GLIS3: variants seen among roughly 807,000 people sequenced by gnomAD.
GLIS3 encodes GLIS family zinc finger 3, also known as zinc finger protein GLIS3.
GLIS3 carries 53 observed loss-of-function variants against 78.6 expected under a neutral mutation model. The ratio of observed to expected loss-of-function variants is 0.67; its 90% confidence interval spans 0.54 to 0.85. The LOEUF is 0.85. Among genes scored for constraint, GLIS3 ranks in the 40% least tolerant of loss-of-function variants. The pLI is 0.00. For missense variants in GLIS3, 1,703 were observed against 1,231.1 expected (o/e 1.38, Z -5.74); for synonymous variants, 684 against 509.9 (o/e 1.34, Z -4.60).
At chr9:4,349,552 A>G (rs1198002297), upstream of GLIS3, among the ~76,000 whole-genome samples, 1 of 152,204 alleles carries the variant, frequency 6.6e-6, no homozygotes, top group Non-Finnish European at 1.5e-5. Context: ...ATGACCAAAA[A>G]GGAAAAAAAT....
At chr9:4,061,820 G>C (rs1826680091) in intron 4 of GLIS3, among the ~76,000 whole-genome samples, 1 of 152,188 alleles carries the variant, frequency 6.6e-6, no homozygotes, top group Non-Finnish European at 1.5e-5. Context: ...AATTATGCAA[G>C]AATGCCACAA....
chr9:3,943,843 T>C (rs767037270), intron 4 of GLIS3, among the ~76,000 whole-genome samples: 68 of 152,234 alleles, frequency 4.5e-4, no homozygotes, highest in Non-Finnish European at 9.1e-4. Context: ...TATCTGGAAC[T>C]ACTAAAATTT....
chr9:4,194,736 A>C (rs1263832816), intron 2 of GLIS3, among the ~76,000 whole-genome samples: 1 of 152,136 alleles, frequency 6.6e-6, no homozygotes, highest in Non-Finnish European at 1.5e-5. Flanking sequence ...GAGGGAGTCT[A>C]CCTCTGTGAC....
At chr9:3,931,749 G>C (rs1463004601) in intron 6 of GLIS3, among the ~76,000 whole-genome samples, 1 of 152,152 alleles carries the variant, frequency 6.6e-6, no homozygotes, top group Admixed American at 6.5e-5. Flanking sequence ...CCAAATCTAA[G>C]ATATTATGAT....
the GLIS3 span, among the ~76,000 whole-genome samples, chr9:4,454,241 G>A: frequency 2.6e-5 from 4 of 151,810 alleles, no homozygotes; most frequent in African/African-American, 9.7e-5. Flanking sequence ...CTAGGCTCAA[G>A]GGATCCTCCT....
chr9:3,850,443 CTGTA>C lies in GLIS3; in HGVS notation c.2473+5562_2473+5565del, dbSNP rs1819357978. Among the ~76,000 whole-genome samples, 2 of 152,236 alleles carry C rather than the reference CTGTA, an allele frequency of 1.3e-5. 1 individual carries two copies. Among genetic ancestry groups the C allele is most frequent in the South Asian group, 4.1e-4 (2 of 4,836 alleles). On this transcript the variant is annotated intron_variant, in intron 9 of 10. Coordinates refer to ENST00000381971, the MANE Select transcript of GLIS3 (RefSeq NM_001042413.2). ...TATTCCAGCTTTTGTCTAGGAAAGACTGTATGTGAACAAACACAATTGCACATTA... is the reference window on the plus strand; with the variant it reads ...TATTCCAGCTTTTGTCTAGGAAAGACTGTGAACAAACACAATTGCACATTA...
At chr9:3,958,890 C>T (rs1021107665) in intron 4 of GLIS3, among the ~76,000 whole-genome samples, 2 of 152,224 alleles carry the variant, frequency 1.3e-5, no homozygotes, top group African/African-American at 2.4e-5. Flanking sequence ...AACGTGCTGT[C>T]GGAGGAAGCC....
Position 4,032,892 on chromosome 9 carries a change from C to T in GLIS3, c.1710+84876G>A, listed in dbSNP as rs552151018. On this transcript the variant is annotated intron_variant, in intron 4 of 10. Transcript: ENST00000381971. ...TTCCTGAGACAGAGTCTCGCTCTGT[C>T]GCCCAGGCTGGAGTGCGGTGGCGCA... Among the ~76,000 whole-genome samples the T allele has an allele frequency of 9.9e-5, 15 of 151,482 alleles. No homozygotes were observed. The East Asian group carries it at 2.3e-3, about 23-fold the overall frequency.
intron 2 of GLIS3, among the ~76,000 whole-genome samples, chr9:4,229,409 G>C (rs974153076): frequency 1.3e-5 from 2 of 152,218 alleles, no homozygotes; most frequent in Non-Finnish European, 1.5e-5. Flanking sequence ...TGGTTGGTTA[G>C]CATGACCAGA....
the GLIS3 span, among the ~76,000 whole-genome samples, chr9:4,425,752 G>A: frequency 6.6e-6 from 1 of 152,202 alleles, no homozygotes; most frequent in Non-Finnish European, 1.5e-5. Context: ...GCTCGGGACT[G>A]CCCAGCAGGG....
rs145564451 is a variant in GLIS3 at position 4,338,362 on chromosome 9, G to A, written n.264+8719C>T. On this transcript the variant is annotated intron_variant and non_coding_transcript_variant, in intron 2 of 4. Coordinates refer to the GLIS3 transcript ENST00000471664. ...AGATAGATGGATTTCTATTATATATGTGTGTACACACACACACACACACAC... is the reference window on the plus strand; with the variant it reads ...AGATAGATGGATTTCTATTATATATATGTGTACACACACACACACACACAC... Among the ~76,000 whole-genome samples, 10 of 139,072 alleles carry A rather than the reference G, an allele frequency of 7.2e-5. No individual in the cohort carries two copies. In the East Asian group the frequency reaches 1.9e-3, roughly 26 times the overall value. 91.2% of individuals were successfully genotyped at this position (139,072 alleles called of 152,430 possible). A position where few individuals can be genotyped will look rare whatever the true frequency, so the allele number is the denominator to read the frequency against.
intron 4 of GLIS3, among the ~76,000 whole-genome samples, chr9:4,113,457 A>T (rs1027746411): frequency 5.3e-5 from 8 of 152,156 alleles, no homozygotes; most frequent in African/African-American, 1.9e-4. Context: ...AACAACGTTA[A>T]AGGGTATCCA....
chr9:4,202,067 G>A (rs1170251537), intron 2 of GLIS3, among the ~76,000 whole-genome samples: 1 of 152,012 alleles, frequency 6.6e-6, no homozygotes, highest in East Asian at 1.9e-4. Flanking sequence ...GAACCCGGGA[G>A]ACGGAGGTTG....
chr9:4,037,242 A>G (rs1824392550), intron 4 of GLIS3, among the ~76,000 whole-genome samples: 1 of 152,200 alleles, frequency 6.6e-6, no homozygotes, highest in Non-Finnish European at 1.5e-5. Context: ...ATCGTAGCAC[A>G]GGAGCCTAGC....
intron 2 of GLIS3, among the ~76,000 whole-genome samples, chr9:4,129,709 C>A (rs974663461): frequency 2.6e-5 from 4 of 152,124 alleles, no homozygotes; most frequent in Non-Finnish European, 5.9e-5. Context: ...TATAAATTAG[C>A]CAGGCTCGGG....
At chr9:4,381,007 G>A in the GLIS3 span, among the ~76,000 whole-genome samples, 1 of 152,110 alleles carries the variant, frequency 6.6e-6, no homozygotes, top group African/African-American at 2.4e-5. Context: ...ATGGCCAGAG[G>A]GTAAGTAGTC....
chr9:4,250,712 A>C (rs1453224733), intron 2 of GLIS3, among the ~76,000 whole-genome samples: 1 of 152,098 alleles, frequency 6.6e-6, no homozygotes, highest in African/African-American at 2.4e-5. Context: ...TTAGGGTGTC[A>C]ATTTTAAATC....
chr9:4,121,637 A>G (rs1369737635), intron 3 of GLIS3, among the ~76,000 whole-genome samples: 19 of 151,610 alleles, frequency 1.3e-4, no homozygotes, highest in African/African-American at 4.1e-4. Context: ...ACACACACAC[A>G]CACACACACA....
At chr9:4,090,298 T>C (rs767669532) in intron 4 of GLIS3, among the ~76,000 whole-genome samples, 3 of 152,126 alleles carry the variant, frequency 2.0e-5, no homozygotes, top group Non-Finnish European at 4.4e-5. Context: ...CCTGGCTCAA[T>C]ATATATTTGA....
Sources: gnomAD v4.1 joint callset for allele counts (sites outside exome capture counted in the v4.1 genomes callset) on GRCh38, gnomAD v4.1.1 for gene constraint, MANE v1.5 for transcripts, NCBI Gene and HGNC (gene_info 2026-07-23, HGNC 2026-07-21) for gene names.